MCM6: variants seen among roughly 807,000 people sequenced by gnomAD.
MCM6 encodes minichromosome maintenance complex component 6.
MCM6 carries 46 observed loss-of-function variants against 94.3 expected under a neutral mutation model. The ratio of observed to expected loss-of-function variants is 0.49; its 90% CI spans 0.39 to 0.62. The LOEUF (loss-of-function observed/expected upper bound fraction) is 0.62. Ranked by LOEUF, MCM6 falls within the 20% of genes least tolerant of loss-of-function variation. The probability of loss-of-function intolerance (pLI) is 0.00; values close to 1 mark genes in which losing one functional copy is unlikely to be tolerated. For missense variants in MCM6, 865 were observed against 1,017.9 expected, an observed-to-expected ratio of 0.85 and a Z score of 2.04; for synonymous variants, 335 against 351.9, an observed-to-expected ratio of 0.95 and a Z score of 0.54.
rs752641611 is a variant in MCM6 at position 135,865,155 on chromosome 2, C to A, written c.936G>T (p.Gly312=). ...CVAPTNPRFG[G]KELRDEEQTA... is the part of the protein sequence containing the mutation. ...TCTGTTCCTCATCTCTGAGCTCTTT[C>A]CCCCCAAACTAATGGTAGAGAACAA... is the stretch of plus-strand genomic sequence containing the variant. The change falls in exon 7 of 17, where the codon GGG becomes GGT. Residue 312 remains glycine, a synonymous_variant. Coordinates refer to ENST00000264156, the MANE Select transcript of MCM6 (RefSeq NM_005915.6). 6.6e-7 allele frequency: 1 copy of A among 1,524,694 alleles called. No homozygotes were observed. The highest frequency in any genetic ancestry group is 8.8e-7 in the Non-Finnish European group (1 of 1,138,050). The allele number at this position is 1,524,694 out of a possible 1,614,324, so 94.4% of individuals were successfully genotyped here. A position where few individuals can be genotyped will look rare whatever the true frequency, so the allele number is the denominator to read the frequency against.
intron 11 of MCM6, among the ~76,000 whole-genome samples, chr2:135,854,202 G>A (rs2105579269): frequency 6.6e-6 from 1 of 152,194 alleles, no homozygotes; most frequent in East Asian, 1.9e-4. Context: ...ACTCCAGCCT[G>A]GGCAATACAG....
intron 11 of MCM6, among the ~76,000 whole-genome samples, chr2:135,855,537 A>G (rs1341009636): frequency 2.6e-5 from 4 of 152,164 alleles, no homozygotes; most frequent in African/African-American, 9.7e-5. Flanking sequence ...ATGGTGGTAC[A>G]GAGCTGTAGT....
intron 13 of MCM6, among the ~76,000 whole-genome samples, chr2:135,849,446 C>T (rs966444525): frequency 3.3e-5 from 5 of 152,024 alleles, no homozygotes; most frequent in East Asian, 1.9e-4. Context: ...CTAAGTGATA[C>T]GTTACTGAAT....
At chr2:135,861,924 C>T (rs775157229) in intron 8 of MCM6, among the ~76,000 whole-genome samples, 1 of 152,160 alleles carries the variant, frequency 6.6e-6, no homozygotes, top group Non-Finnish European at 1.5e-5. Context: ...CCAGTACATC[C>T]TATTTTAAAA....
rs967390814 is a variant in MCM6 at position 135,848,157 on chromosome 2, C to T, written c.1949G>A (p.Arg650Gln). The T allele has an allele frequency of 1.2e-5, 19 of 1,611,820 alleles. No homozygotes were observed. The highest frequency in any genetic ancestry group is 5.3e-5 in the African/African-American group (4 of 74,852). Residue 650 changes from arginine to glutamine, a missense_variant, in exon 14 of 17, where the codon CGG becomes CAG. Physicochemically the swap from Arg to Gln is conservative, Grantham distance 43. Coordinates refer to ENST00000264156, the MANE Select transcript of MCM6 (RefSeq NM_005915.6). ...ACGGATGATTGATTTATTCAGTAAC[C>T]GGAAAGCTTCCTTCACATGTTTAGG... The part of the protein sequence containing the change: ...VQPKHVKEAF[R>Q]LLNKSIIRVE...
chr2:135,850,019 A>T (rs1053384007), intron 13 of MCM6, among the ~76,000 whole-genome samples: 1 of 152,216 alleles, frequency 6.6e-6, no homozygotes, highest in African/African-American at 2.4e-5. Context: ...AATTTTTAAA[A>T]ATAGAACAAA....
chr2:135,851,029 CATT>C (rs1679770991), intron 13 of MCM6, among the ~76,000 whole-genome samples: 1 of 152,186 alleles, frequency 6.6e-6, no homozygotes, highest in African/African-American at 2.4e-5. Flanking sequence ...AAAAATCAAA[CATT>C]ATACAAATGC....
At position 135,840,009 on chromosome 2, in the gene MCM6, C is replaced by G. The variant is rs1679539418; in HGVS notation, c.*826G>C. ...TGCTCCACCTCATGAACATACTGATCATAGCTAAGTCTCAGGAACTGTTAG... is the reference window on the plus strand; with the variant it reads ...TGCTCCACCTCATGAACATACTGATGATAGCTAAGTCTCAGGAACTGTTAG... On this transcript the variant is annotated 3_prime_UTR_variant, in exon 17 of 17. Transcript: ENST00000264156. 1 of 152,140 alleles carries G rather than the reference C, an allele frequency of 6.6e-6. No homozygotes were observed. The highest frequency in any genetic ancestry group is 2.4e-5 in the African/African-American group (1 of 41,414). 9.4% of individuals were successfully genotyped at this position (152,140 alleles called of 1,614,324 possible).
At chr2:135,846,947 T>C (rs867966349) in intron 14 of MCM6, among the ~76,000 whole-genome samples, 5 of 151,560 alleles carry the variant, frequency 3.3e-5, no homozygotes, top group Non-Finnish European at 7.4e-5. Flanking sequence ...AAGGTTGCAG[T>C]GAGATGAGAT....
chr2:135,868,710 G>C lies in MCM6; in HGVS notation c.516C>G (p.Phe172Leu), dbSNP rs1201573644. 4 of 1,614,014 alleles carry C rather than the reference G, an allele frequency of 2.5e-6. No homozygotes were observed. Among genetic ancestry groups the C allele is most frequent in the Non-Finnish European group, 3.4e-6 (4 of 1,180,028 alleles). Residue 172 changes from phenylalanine (F) to leucine (L), a missense_variant, in exon 4 of 17, where the codon TTC (phenylalanine) becomes TTG (leucine). Physicochemically the swap from Phe to Leu is conservative, Grantham distance 22. Around this residue, in one of 3 missense-constraint regions of MCM6, gnomAD observed 404 missense variants for 451.9 expected, o/e 0.89. Transcript: ENST00000264156. ...GGCAGATGTTTGGCTGTGTGTATTT[G>C]AACTGCTGTTCTACATCCCTGATCA... Reference protein sequence around the residue: ...QTVIRDVEQQFKYTQPNICRN... With the variant: ...QTVIRDVEQQLKYTQPNICRN...
chr2:135,856,986 A>T, intron 10 of MCM6, 103 bp from the exon 11 acceptor site: 2 of 980,214 alleles, frequency 2.0e-6, no homozygotes, highest in Non-Finnish European at 1.5e-6. Context: ...ACACAAACCA[A>T]AATAATGACA....
At chr2:135,863,698 T>A (rs1227170137) in intron 7 of MCM6, among the ~76,000 whole-genome samples, 1 of 150,122 alleles carries the variant, frequency 6.7e-6, no homozygotes, top group Admixed American at 6.7e-5. Context: ...GTCACTGCAC[T>A]CCAGCCTGGG....
chr2:135,862,642 A>G lies in MCM6; in HGVS notation c.1185T>C (p.Val395=), dbSNP rs1202997372. 3.1e-6 allele frequency: 5 copies of G among 1,614,094 alleles called. No individual in the cohort carries two copies. The highest frequency in any genetic ancestry group is 4.2e-6 in the Non-Finnish European group (5 of 1,180,036). The part of the protein sequence containing the change: ...SLRGDINVCI[V]GDPSTAKSQF... ...GGCTCTTAGCTGTACTTGGGTCACC[A>G]ACAATGCAAACATTTATGTCCCCTC... Residue 395 remains valine, a synonymous_variant, in exon 8 of 17, where the codon GTT becomes GTC. Coordinates refer to ENST00000264156, the MANE Select transcript of MCM6 (RefSeq NM_005915.6).
chr2:135,876,330 G>A lies in MCM6; in HGVS notation c.36C>T (p.Gly12=). The A allele has an allele frequency of 6.2e-7, 1 of 1,609,724 alleles. No individual in the cohort carries two copies. Among genetic ancestry groups the A allele is most frequent in the Non-Finnish European group, 8.5e-7 (1 of 1,179,242 alleles). The change falls in exon 1 of 17, where the codon GGC becomes GGT. Residue 12 remains glycine, a synonymous_variant. Transcript: ENST00000264156. ...CGTCGCGGACCTCCAGGTGCTGGCT[G>A]CCGGCGCCCGGCTCCGCTGCCGCCG... ...DLAAAAEPGA[G]SQHLEVRDEV...
rs556412846 is a variant in MCM6 at position 135,855,473 on chromosome 2, A to G, written c.1626+1255T>C. Among the ~76,000 whole-genome samples the G allele has an allele frequency of 1.9e-3, 295 of 152,130 alleles. 2 individuals are homozygous for G. Among genetic ancestry groups the G allele is most frequent in the African/African-American group, 6.7e-3 (279 of 41,502 alleles). ...TTGAGGCCAAGAGTTCAAGACCAAC[A>G]CGGGTCTTGAACTTGTTGCCGTTGC... On this transcript the variant is annotated intron_variant, in intron 11 of 16. Transcript: ENST00000264156.
intron 8 of MCM6, among the ~76,000 whole-genome samples, chr2:135,860,888 A>C (rs1679978976): frequency 6.6e-6 from 1 of 152,224 alleles, no homozygotes; most frequent in South Asian, 2.1e-4. Flanking sequence ...AAGGACAATT[A>C]GGCAAGAAAA....
rs747652205 is a variant in MCM6 at position 135,856,798 on chromosome 2, TTC to T, written c.1554_1555del (p.Asn519TyrfsTer20). On this transcript the variant is annotated frameshift_variant, in exon 11 of 17. Transcript: ENST00000264156. LOFTEE classifies it high-confidence loss of function. ...CATGATGGGAGCTGACAAATTTATA[TTC>T]TGTTTCAATGATTTTGATCTGTCAT... 2 of 1,614,200 alleles carry T rather than the reference TTC, an allele frequency of 1.2e-6. No individual in the cohort carries two copies. The highest frequency in any genetic ancestry group is 1.7e-6 in the Non-Finnish European group (2 of 1,180,016).
intron 1 of MCM6, among the ~76,000 whole-genome samples, chr2:135,874,901 T>C (rs1190328616): frequency 6.6e-6 from 1 of 152,220 alleles, no homozygotes; most frequent in Non-Finnish European, 1.5e-5. Flanking sequence ...GTAGACATTA[T>C]GTTACACAAG....
chr2:135,852,938 CT>C (rs752189446), intron 11 of MCM6, 23 bp from the exon 12 acceptor site: 1 of 1,573,520 alleles, frequency 6.4e-7, no homozygotes, highest in Non-Finnish European at 8.6e-7. Flanking sequence ...AAAAAAATCA[CT>C]TTGATAGTCA....
Sources: gnomAD v4.1 joint callset for allele counts (sites outside exome capture counted in the v4.1 genomes callset) on GRCh38, gnomAD v4.1.1 for gene constraint, gnomAD v4.1.1 regional missense constraint, MANE v1.5 for transcripts, NCBI Gene and HGNC (gene_info 2026-07-23, HGNC 2026-07-21) for gene names.